The following TTLL13 variants were observed in gnomAD, a reference collection of about 807,000 sequenced individuals.
TTLL13 encodes tubulin tyrosine ligase like 13, also known as tubulin polyglutamylase TTLL13.
At chr15:90,258,100 G>A in the TTLL13 span, 71 of 1,614,184 alleles carry the variant, frequency 4.4e-5, no homozygotes, top group African/African-American at 8.7e-4. Context: ...GAGCTGTGGG[G>A]GGACATCGAG....
At chr15:90,254,913 C>A in the TTLL13 span, among the ~76,000 whole-genome samples, 1 of 152,208 alleles carries the variant, frequency 6.6e-6, no homozygotes, top group South Asian at 2.1e-4. Context: ...GCTTACTGTA[C>A]AACAGACTCC....
chr15:90,253,258 C>A, the TTLL13 span: 120 of 1,613,572 alleles, frequency 7.4e-5, no homozygotes, highest in Non-Finnish European at 9.3e-5. Context: ...GTGCGTCGGG[C>A]AGCCCAAATG....
At chr15:90,251,554 A>G in the TTLL13 span, 4 of 1,613,864 alleles carry the variant, frequency 2.5e-6, no homozygotes, top group Non-Finnish European at 3.4e-6. Context: ...TCCATTCCAG[A>G]TCACTGGCCA....
the TTLL13 span, chr15:90,263,535 T>C: frequency 3.6e-6 from 2 of 551,664 alleles, no homozygotes; most frequent in African/African-American, 3.8e-5. Flanking sequence ...TAAACAGATT[T>C]GGGCCAACAA....
the TTLL13 span, chr15:90,262,881 T>A: frequency 7.2e-7 from 1 of 1,390,840 alleles, no homozygotes; most frequent in Non-Finnish European, 9.6e-7. Context: ...GAGGGTAGAG[T>A]GGGCAGGAGG....
the TTLL13 span, among the ~76,000 whole-genome samples, chr15:90,260,904 C>A: frequency 1.5e-3 from 232 of 151,090 alleles, 1 homozygote; most frequent in Middle Eastern, 0.01. Flanking sequence ...GAAGGACACA[C>A]GCATGCACGC....
the TTLL13 span, chr15:90,258,763 T>C: frequency 1.2e-6 from 2 of 1,614,060 alleles, no homozygotes; most frequent in Non-Finnish European, 1.7e-6. Flanking sequence ...CTCCAAGCTT[T>C]ACCACGGACT....
At chr15:90,257,312 C>T in the TTLL13 span, 2 of 1,592,594 alleles carry the variant, frequency 1.3e-6, no homozygotes, top group Non-Finnish European at 1.7e-6. Flanking sequence ...TCTTCTTTTC[C>T]ACTGCCAAAA....
the TTLL13 span, chr15:90,263,110 G>A: frequency 2.0e-6 from 3 of 1,529,544 alleles, no homozygotes; most frequent in African/African-American, 2.8e-5. Flanking sequence ...GCAGCACCCT[G>A]GCCCCCAGGG....
chr15:90,255,848 TACA>T, the TTLL13 span: 77 of 1,613,976 alleles, frequency 4.8e-5, no homozygotes, highest in East Asian at 3.3e-4. Flanking sequence ...TCCCTCTGAG[TACA>T]ACATCTTCCC....
At chr15:90,263,893 G>A in the TTLL13 span, 8 of 1,178,540 alleles carry the variant, frequency 6.8e-6, no homozygotes, top group East Asian at 1.0e-4. Context: ...GATCTTAGGG[G>A]CACTGCCAAG....
the TTLL13 span, chr15:90,255,822 G>A: frequency 4.3e-5 from 69 of 1,614,088 alleles, no homozygotes; most frequent in Admixed American, 5.7e-4. Context: ...AACCTCAACC[G>A]CATGTACAAA....
chr15:90,257,214 T>C, the TTLL13 span: 2 of 1,613,630 alleles, frequency 1.2e-6, no homozygotes, highest in Admixed American at 3.3e-5. Context: ...CTCCGGATCT[T>C]CACATATGAG....
the TTLL13 span, among the ~76,000 whole-genome samples, chr15:90,255,125 G>A: frequency 6.6e-6 from 1 of 152,214 alleles, no homozygotes; most frequent in Non-Finnish European, 1.5e-5. Context: ...ACCATCCCCA[G>A]GGTATTCTTT....
chr15:90,261,616 C>T, the TTLL13 span, among the ~76,000 whole-genome samples: 146 of 151,950 alleles, frequency 9.6e-4, no homozygotes, highest in African/African-American at 3.4e-3. Flanking sequence ...CCTGTCTCTA[C>T]TAAAAATACA....
the TTLL13 span, chr15:90,256,290 T>A: frequency 6.2e-7 from 1 of 1,614,006 alleles, no homozygotes; most frequent in Non-Finnish European, 8.5e-7. Context: ...CAGCAATACA[T>A]CTCCAAGGTG....
At chr15:90,257,614 C>A in the TTLL13 span, 6 of 1,610,998 alleles carry the variant, frequency 3.7e-6, no homozygotes, top group East Asian at 1.3e-4. Context: ...CAGTCTGAGA[C>A]CACAGGGCCA....
chr15:90,257,981 T>C, the TTLL13 span: 1 of 1,544,926 alleles, frequency 6.5e-7, no homozygotes, highest in Admixed American at 1.7e-5. Context: ...GCCTCCTGCC[T>C]ACAGCCTGGC....
At chr15:90,256,098 T>C in the TTLL13 span, 3 of 1,606,098 alleles carry the variant, frequency 1.9e-6, no homozygotes, top group South Asian at 2.2e-5. Context: ...CGGGAAAGCC[T>C]TGATGCACAG....
Sources: allele counts gnomAD v4.1 joint callset (sites outside exome capture counted in the v4.1 genomes callset), GRCh38; gene constraint gnomAD v4.1.1; transcripts MANE v1.5; gene names NCBI Gene and HGNC (gene_info 2026-07-23, HGNC 2026-07-21).